Variants in LCN2 observed in about 807,000 individuals in gnomAD.
LCN2 encodes lipocalin 2.
LCN2 carries 27 observed loss-of-function variants against 26.4 expected under a neutral mutation model. The ratio of observed to expected loss-of-function variants is 1.02; its 90% confidence interval spans 0.76 to 1.41. LCN2 has a LOEUF of 1.41. LCN2 is among the 40% of genes most tolerant of loss of function. The pLI is 0.00. For synonymous variants in LCN2, 94 were observed against 98.9 expected (o/e 0.95, Z 0.30); for missense variants, 224 against 237.6 (o/e 0.94, Z 0.38).
At chr9:128,149,724 G>C in intron 1 of LCN2, 61 bp downstream of exon 1, 1 of 1,599,228 alleles carries the variant, frequency 6.3e-7, no homozygotes, top group South Asian at 1.1e-5. Flanking sequence ...GCAGAGGGGA[G>C]GAGAGGTGAA....
At chr9:128,151,043 G>A (rs563918930) in intron 2 of LCN2, among the ~76,000 whole-genome samples, 3 of 152,270 alleles carry the variant, frequency 2.0e-5, no homozygotes, top group Non-Finnish European at 2.9e-5. Context: ...GGGATCAGCC[G>A]CCCCCAGTGG....
chr9:128,152,068 A>G, intron 4 of LCN2, 43 bp downstream of exon 4: 1 of 1,613,124 alleles, frequency 6.2e-7, no homozygotes, highest in Non-Finnish European at 8.5e-7. Context: ...TCCTGATCAC[A>G]CTTAGTGGGA....
intron 2 of LCN2, 56 bp downstream of exon 2, chr9:128,150,430 G>T (rs1834995146): frequency 6.2e-7 from 1 of 1,611,154 alleles, no homozygotes; most frequent in Non-Finnish European, 8.5e-7. Flanking sequence ...ACAGGCAAGG[G>T]ATGGCCAAAG....
chr9:128,151,329 G>C (rs12006030), intron 2 of LCN2: 154,840 of 560,532 alleles, frequency 0.28, 23,328 homozygotes, highest in Middle Eastern at 0.37. Flanking sequence ...TGGGTGGCGG[G>C]GGGGGTGAAA....
intron 2 of LCN2, 111 bp downstream of exon 2, chr9:128,150,485 T>C: frequency 7.3e-7 from 1 of 1,372,770 alleles, no homozygotes; most frequent in Non-Finnish European, 1.0e-6. Flanking sequence ...CCGGAATTCA[T>C]CTGTGTTCAT....
intron 2 of LCN2, 138 bp downstream of exon 2, chr9:128,150,512 A>G: frequency 9.1e-7 from 1 of 1,098,004 alleles, no homozygotes; most frequent in Non-Finnish European, 1.4e-6. Context: ...TCTGTTCCTT[A>G]GAGCAACGTT....
intron 2 of LCN2, 115 bp from the exon 3 acceptor site, chr9:128,151,523 T>G: frequency 1.2e-6 from 1 of 803,548 alleles, no homozygotes; most frequent in Admixed American, 2.0e-5. Context: ...TGTCACGGGT[T>G]GGGCCGGACT....
chr9:128,152,939 A>G (rs978609805), intron 5 of LCN2, among the ~76,000 whole-genome samples, 161 bp from the exon 6 acceptor site: 1 of 151,998 alleles, frequency 6.6e-6, no homozygotes, highest in South Asian at 2.1e-4. Context: ...CTGTTGCCCC[A>G]TCTCTGAAAG....
intron 5 of LCN2, among the ~76,000 whole-genome samples, chr9:128,152,613 C>G (rs1287560123): frequency 3.9e-5 from 6 of 152,146 alleles, no homozygotes; most frequent in African/African-American, 1.2e-4. Flanking sequence ...CCCAGGCCCC[C>G]TTGTTCTGGG....
chr9:128,150,558 TG>T, intron 2 of LCN2, 184 bp downstream of exon 2: 2 of 784,892 alleles, frequency 2.5e-6, no homozygotes. Flanking sequence ...CAGACAGTGG[TG>T]GGGATGGACA....
rs1167091505 is a variant in LCN2, at chr9:128,151,931, C to T, written c.381C>T (p.Leu127=). Residue 127 remains leucine, a synonymous_variant, in exon 4 of 7, where the codon CTC becomes CTT. Transcript: ENST00000277480. The stretch of plus-strand genomic sequence containing the variant: ...GTTACCCTGGATTAACGAGTTACCT[C>T]GTCCGAGTGGTGAGCACCAACTACA... ...IKSYPGLTSY[L]VRVVSTNYNQ... 20 of 1,613,986 alleles carry T rather than the reference C, an allele frequency of 1.2e-5. No homozygotes were observed. The highest frequency in any genetic ancestry group is 1.6e-5 in the Non-Finnish European group (19 of 1,180,002).
chr9:128,152,410 C>A, intron 5 of LCN2, 126 bp downstream of exon 5: 1 of 812,076 alleles, frequency 1.2e-6, no homozygotes, highest in Non-Finnish European at 2.0e-6. Flanking sequence ...GTGGATGGTC[C>A]AGGAGCTCCT....
intron 2 of LCN2, chr9:128,151,307 G>GT: frequency 1.8e-6 from 1 of 560,328 alleles, no homozygotes; most frequent in South Asian, 2.7e-5. Context: ...GAAATGCAGG[G>GT]TTTCTGTGTG....
intron 2 of LCN2, 164 bp downstream of exon 2, chr9:128,150,538 T>G: frequency 1.2e-6 from 1 of 866,112 alleles, no homozygotes; most frequent in Non-Finnish European, 1.9e-6. Context: ...CACATTTCCA[T>G]GCAGACACAC....
chr9:128,151,438 T>A (rs1835005187), intron 2 of LCN2, 200 bp from the exon 3 acceptor site: 1 of 619,918 alleles, frequency 1.6e-6, no homozygotes, highest in African/African-American at 1.9e-5. Context: ...GACAGCCTGG[T>A]GTCAGCTCAG....
chr9:128,153,253 C>A lies in LCN2; in HGVS notation c.*8-58C>A. 8.5e-7 allele frequency: 1 copy of A among 1,180,038 alleles called. No homozygotes were observed. Among genetic ancestry groups the A allele is most frequent in the Non-Finnish European group, 1.3e-6 (1 of 799,022 alleles). 73.1% of individuals were successfully genotyped at this position (1,180,038 alleles called of 1,614,324 possible). On this transcript the variant is annotated intron_variant, in intron 6 of 6. Transcript: ENST00000277480. The surrounding 1 kb of genome is among the most constrained non-coding windows in gnomAD (Gnocchi z 5.4). ...CTGCTGCTGTCTTTATTCTGCTGTC[C>A]CCATCTCGGGTGCCTCCCATTTCCC...
rs1829158314 is a variant in LCN2, at chr9:128,153,190, C to T, written c.*7+64C>T. ...GGCCAGGGTGCAGTGGGCTGGGGGT[C>T]TTGGGCCTGCCTTTGCTCATCCCCC... On this transcript the variant is annotated intron_variant, in intron 6 of 6. Coordinates refer to ENST00000277480, the MANE Select transcript of LCN2 (RefSeq NM_005564.5). This position sits in a 1 kb window ranked among gnomAD's most constrained non-coding sequence, Gnocchi z 5.4. The T allele has an allele frequency of 6.3e-7, 1 of 1,591,888 alleles. No homozygotes were observed. The highest frequency in any genetic ancestry group is 8.6e-7 in the Non-Finnish European group (1 of 1,161,152).
rs1317202673 is a variant in LCN2, at chr9:128,152,413, G to GA, written c.577+130dup. The GA allele has an allele frequency of 1.2e-5, 9 of 782,580 alleles. No individual in the cohort carries two copies. The East Asian group carries it at 1.9e-4, about 16-fold the overall frequency. The allele number at this position is 782,580 out of a possible 1,614,324, so 48.5% of individuals were successfully genotyped here. ...GTCACTGGAGCAGTGGATGGTCCAG[G>GA]AGCTCCTTGGAAGCCACTCTGGGCC... On this transcript the variant is annotated intron_variant, in intron 5 of 6. Coordinates refer to ENST00000277480, the MANE Select transcript of LCN2 (RefSeq NM_005564.5).
At chr9:128,151,524 G>T (rs1835006187) in intron 2 of LCN2, 114 bp from the exon 3 acceptor site, 3 of 812,722 alleles carry the variant, frequency 3.7e-6, no homozygotes, top group Admixed American at 1.9e-5. Context: ...GTCACGGGTT[G>T]GGCCGGACTG....
Sources: allele counts gnomAD v4.1 joint callset (sites outside exome capture counted in the v4.1 genomes callset), GRCh38; gene constraint gnomAD v4.1.1; non-coding constraint Gnocchi (gnomAD v3.1); transcripts MANE v1.5; gene names NCBI Gene and HGNC (gene_info 2026-07-23, HGNC 2026-07-21).